The following SMAD2 variants were observed in gnomAD, a reference collection of about 807,000 sequenced individuals.
SMAD2 encodes MAD homolog 2.
In SMAD2, 8 loss-of-function variants were observed where a neutral mutation model predicts 64.4. The ratio of observed to expected loss-of-function variants is 0.12; its 90% CI spans 0.07 to 0.22. The LOEUF (loss-of-function observed/expected upper bound fraction) is 0.22. SMAD2 is among the 10% of genes least tolerant of loss of function. The pLI, the probability that SMAD2 is intolerant of heterozygous loss-of-function variation, is 1.00. For missense variants in SMAD2, 289 were observed against 561.2 expected, an observed-to-expected ratio of 0.51 and a Z score of 4.90; for synonymous variants, 203 against 195.8, an observed-to-expected ratio of 1.04 and a Z score of -0.31.
intron 10 of SMAD2, among the ~76,000 whole-genome samples, chr18:47,844,095 G>GT (rs1445924904): frequency 6.6e-6 from 1 of 151,952 alleles, no homozygotes; most frequent in Non-Finnish European, 1.5e-5. Context: ...TCTCAAAAGG[G>GT]TAATAATCAA....
intron 3 of SMAD2, among the ~76,000 whole-genome samples, chr18:47,869,930 G>C (rs1388187270): frequency 6.6e-6 from 1 of 152,112 alleles, no homozygotes; most frequent in Non-Finnish European, 1.5e-5. Context: ...TTTGAGAACT[G>C]AGGTATATTT....
Position 47,828,922 on chromosome 18 carries a change from G to T in SMAD2, c.*12905C>A, listed in dbSNP as rs1403101130. ...CCCTCTCCGAGAAACACCCAAGAAT[G>T]ATCAATAAATACTAAAAAAAAAAAA... On this transcript the variant is annotated 3_prime_UTR_variant, in exon 11 of 11. Coordinates refer to ENST00000262160, the MANE Select transcript of SMAD2 (RefSeq NM_005901.6). The T allele has an allele frequency of 9.1e-5, 7 of 76,514 alleles. No individual in the cohort carries two copies. The highest frequency in any genetic ancestry group is 1.7e-4 in the Non-Finnish European group (7 of 41,796). The allele number at this position is 76,514 out of a possible 1,614,324, so 4.7% of individuals were successfully genotyped here.
At chr18:47,850,656 TATTATATACTATA>T (rs1915353872) in intron 7 of SMAD2, among the ~76,000 whole-genome samples, 2 of 43,656 alleles carry the variant, frequency 4.6e-5, no homozygotes, top group South Asian at 7.2e-4. Flanking sequence ...GTATAATATA[TATTATATACTATA>T]TATATATTAT....
intron 5 of SMAD2, chr18:47,866,865 AT>A (rs2031600623): frequency 6.6e-6 from 1 of 152,244 alleles, no homozygotes; most frequent in Non-Finnish European, 1.5e-5. Context: ...AATTAAAGGA[AT>A]AAAAAAGAAA....
At chr18:47,859,019 AATATAAAGATTCGG>A (rs1191261087) in intron 6 of SMAD2, among the ~76,000 whole-genome samples, 1 of 152,172 alleles carries the variant, frequency 6.6e-6, no homozygotes, top group Non-Finnish European at 1.5e-5. Context: ...ACACACCATA[AATATAAAGATTCGG>A]ATAGACTGAA....
chr18:47,896,408 T>A (rs978634453), intron 2 of SMAD2, 113 bp downstream of exon 2: 1 of 1,060,808 alleles, frequency 9.4e-7, no homozygotes, highest in Non-Finnish European at 1.4e-6. Context: ...TTAAAAACAG[T>A]CATATTTCAA....
In SMAD2 at chr18:47,820,921, ACACACACACACACACACAC is replaced by A. The variant is rs1912551747; in HGVS notation, c.*20887_*20905del. The A allele has an allele frequency of 3.4e-5, 5 of 148,812 alleles. No individual in the cohort carries two copies. Among genetic ancestry groups the A allele is most frequent in the Non-Finnish European group, 7.4e-5 (5 of 67,880 alleles). 9.2% of individuals were successfully genotyped at this position (148,812 alleles called of 1,614,324 possible). A position where few individuals can be genotyped will look rare whatever the true frequency, so the allele number is the denominator to read the frequency against. On this transcript the variant is annotated 3_prime_UTR_variant, in exon 11 of 11. Coordinates refer to ENST00000262160, the MANE Select transcript of SMAD2 (RefSeq NM_005901.6). ...TACACACACACACACACACACACAC[ACACACACACACACACACAC>A]AAAATTTGGTCCCCAATGTTAGAAC... is the stretch of plus-strand genomic sequence containing the variant.
chr18:47,864,681 C>A (rs909047697), intron 6 of SMAD2, among the ~76,000 whole-genome samples: 1 of 152,116 alleles, frequency 6.6e-6, no homozygotes, highest in East Asian at 1.9e-4. Context: ...CCATCCTTCA[C>A]CCCCAAATTC....
At position 47,830,845 on chromosome 18, in the gene SMAD2, T is replaced by G. The variant is rs1912960583; in HGVS notation, c.*10982A>C. On this transcript the variant is annotated 3_prime_UTR_variant, in exon 11 of 11. Coordinates refer to ENST00000262160, the MANE Select transcript of SMAD2 (RefSeq NM_005901.6). ...TTGGGCAGTGGTTAAGGCCTCTGAT[T>G]TGCTACTTATTAGAAAAATCCACAT... is the stretch of plus-strand genomic sequence containing the variant. 1.3e-5 allele frequency: 2 copies of G among 156,588 alleles called. No individual in the cohort carries two copies. Among genetic ancestry groups the G allele is most frequent in the African/African-American group, 4.8e-5 (2 of 41,600 alleles). The allele number at this position is 156,588 out of a possible 1,614,324, so 9.7% of individuals were successfully genotyped here.
chr18:47,915,816 C>A (rs939104722), intron 1 of SMAD2, among the ~76,000 whole-genome samples: 1 of 152,170 alleles, frequency 6.6e-6, no homozygotes, highest in Non-Finnish European at 1.5e-5. Context: ...TTCAGTCAAT[C>A]CACCTTCCCC....
At chr18:47,848,359 CCA>C in intron 8 of SMAD2, 114 bp downstream of exon 8, 1 of 787,760 alleles carries the variant, frequency 1.3e-6, no homozygotes, top group South Asian at 1.4e-5. Flanking sequence ...GGCACTTAAA[CCA>C]CCAGAGAGAA....
rs561134101 is a variant in SMAD2, at chr18:47,874,055, A to G, written c.237-3491T>C. ...AAGATATTTTTTAAAAGCTAAGTAT[A>G]TAGAGATACAGCATATTCACAGATG... On this transcript the variant is annotated intron_variant, in intron 2 of 10. Transcript: ENST00000262160. Among the ~76,000 whole-genome samples the G allele has an allele frequency of 7.9e-5, 12 of 152,344 alleles. No individual in the cohort carries two copies. In the East Asian group the frequency reaches 2.3e-3, roughly 29 times the overall value.
chr18:47,873,353 C>T (rs1354169976), intron 2 of SMAD2, among the ~76,000 whole-genome samples: 1 of 152,166 alleles, frequency 6.6e-6, no homozygotes, highest in Non-Finnish European at 1.5e-5. Flanking sequence ...TACGTCCCTA[C>T]ACAGGAAGAT....
intron 1 of SMAD2, among the ~76,000 whole-genome samples, chr18:47,909,380 G>C (rs1434279242): frequency 6.6e-6 from 1 of 152,160 alleles, no homozygotes; most frequent in Non-Finnish European, 1.5e-5. Context: ...TAACAGGAAA[G>C]GAGCTTCTGT....
At chr18:47,907,833 A>T (rs1389493013) in intron 1 of SMAD2, among the ~76,000 whole-genome samples, 1 of 152,168 alleles carries the variant, frequency 6.6e-6, no homozygotes, top group Non-Finnish European at 1.5e-5. Flanking sequence ...CTATACTCCT[A>T]GCTACTTGAA....
chr18:47,898,004 G>T (rs1213791787), intron 1 of SMAD2, among the ~76,000 whole-genome samples: 7 of 152,170 alleles, frequency 4.6e-5, no homozygotes, highest in Admixed American at 4.6e-4. Context: ...TTTTCAAAGT[G>T]TATCTTTAAG....
chr18:47,914,924 C>G (rs909390629), intron 1 of SMAD2, among the ~76,000 whole-genome samples: 2 of 152,082 alleles, frequency 1.3e-5, no homozygotes, highest in African/African-American at 4.8e-5. Context: ...ATCAAGTACT[C>G]CGACTATGCA....
At position 47,885,132 on chromosome 18, in the gene SMAD2, TACACACACACACACACAC is replaced by T. The variant is rs57342899; in HGVS notation, c.236+11371_236+11388del. 1.4e-3 allele frequency among the ~76,000 whole-genome samples: 196 copies of T among 142,184 alleles called. 3 individuals carry two copies. The highest frequency in any genetic ancestry group is 3.0e-3 in the South Asian group (13 of 4,266). The allele number at this position is 142,184 out of a possible 152,430, so 93.3% of individuals were successfully genotyped here. On this transcript the variant is annotated intron_variant, in intron 2 of 10. Transcript: ENST00000262160. ...TATCGATTTTCTAGATTTAGTCATA[TACACACACACACACACAC>T]ACACACACACACACACACACACACA...
At chr18:47,900,495 C>T (rs2033641045) in intron 1 of SMAD2, among the ~76,000 whole-genome samples, 1 of 151,956 alleles carries the variant, frequency 6.6e-6, no homozygotes, top group Non-Finnish European at 1.5e-5. Context: ...GTTCTCTCTC[C>T]CCCTCCCCAT....
Sources: gnomAD v4.1 joint callset for allele counts (sites outside exome capture counted in the v4.1 genomes callset) on GRCh38, gnomAD v4.1.1 for gene constraint, MANE v1.5 for transcripts, NCBI Gene and HGNC (gene_info 2026-07-23, HGNC 2026-07-21) for gene names.